MAGOH: variants seen among roughly 807,000 people sequenced by gnomAD.
MAGOH encodes protein mago nashi homolog.
MAGOH carries 3 observed loss-of-function variants against 20.9 expected under a neutral mutation model. The ratio of observed to expected loss-of-function variants is 0.14; its 90% CI spans 0.07 to 0.37. The LOEUF (loss-of-function observed/expected upper bound fraction) is 0.37. Ranked by LOEUF, MAGOH falls within the 10% of genes least tolerant of loss-of-function variation. MAGOH has a pLI of 1.00. For synonymous variants in MAGOH, 51 were observed against 61.0 expected (o/e 0.84, Z 0.76); for missense variants, 66 against 178.1 (o/e 0.37, Z 3.58).
At chr1:53,238,310 C>G in intron 1 of MAGOH, 51 bp downstream of exon 1, 1 of 1,574,348 alleles carries the variant, frequency 6.4e-7, no homozygotes, top group South Asian at 1.1e-5. Context: ...TCCCCACTCG[C>G]CGGCCCCCAG....
At chr1:53,232,457 C>A (rs1367395599) in intron 3 of MAGOH, among the ~76,000 whole-genome samples, 1 of 151,726 alleles carries the variant, frequency 6.6e-6, no homozygotes, top group Non-Finnish European at 1.5e-5. Context: ...GAAAAAAAAA[C>A]ACAAAAAGAC....
chr1:53,232,925 A>G (rs749874995), intron 3 of MAGOH, among the ~76,000 whole-genome samples: 7 of 152,316 alleles, frequency 4.6e-5, no homozygotes, highest in Middle Eastern at 3.4e-3. Flanking sequence ...ACATGGTGAA[A>G]CGCCATCTCT....
At position 53,229,402 on chromosome 1, in the gene MAGOH, G is replaced by A. The variant is rs934934552; in HGVS notation, c.259-448C>T. Among the ~76,000 whole-genome samples the A allele has an allele frequency of 3.3e-5, 5 of 151,910 alleles. No individual in the cohort carries two copies. The East Asian group carries it at 7.7e-4, about 23-fold the overall frequency. On this transcript the variant is annotated intron_variant, in intron 3 of 4. Transcript: ENST00000371470. ...TTTTTAGTAGAGACGGGGTTTCACC[G>A]TGTTAGCCAGGATGGATTTTTTTGT...
rs534661519 is a variant in MAGOH, at chr1:53,233,493, G to C, written c.258+49C>G. The C allele has an allele frequency of 7.8e-6, 10 of 1,277,106 alleles. No homozygotes were observed. The African/African-American group carries it at 1.2e-4, about 15-fold the overall frequency. 79.1% of individuals were successfully genotyped at this position (1,277,106 alleles called of 1,614,324 possible). A position where few individuals can be genotyped will look rare whatever the true frequency, so the allele number is the denominator to read the frequency against. On this transcript the variant is annotated intron_variant, in intron 3 of 4. Transcript: ENST00000371470. The stretch of plus-strand genomic sequence containing the variant: ...TTTAAGTGGAGGAGGGAGTGTGGGG[G>C]GTCTTATTTGTAAGATTTCTGCACT...
chr1:53,238,331 C>T (rs1645627732), intron 1 of MAGOH, 30 bp downstream of exon 1: 2 of 1,612,316 alleles, frequency 1.2e-6, no homozygotes, highest in African/African-American at 2.7e-5. Context: ...GCCTGGTCCC[C>T]GCTCCCGGCG....
At chr1:53,231,392 A>G (rs1572396399) in intron 3 of MAGOH, among the ~76,000 whole-genome samples, 1 of 152,224 alleles carries the variant, frequency 6.6e-6, no homozygotes, top group East Asian at 1.9e-4. Flanking sequence ...TAAGTTGTAA[A>G]GAAGTCAAAT....
intron 1 of MAGOH, 49 bp downstream of exon 1, chr1:53,238,312 G>A (rs373777384): frequency 4.4e-6 from 7 of 1,578,234 alleles, no homozygotes; most frequent in Non-Finnish European, 6.1e-6. Context: ...CCCACTCGCC[G>A]GCCCCCAGGC....
At chr1:53,230,537 C>T (rs1418202313) in intron 3 of MAGOH, among the ~76,000 whole-genome samples, 2 of 151,994 alleles carry the variant, frequency 1.3e-5, no homozygotes, top group African/African-American at 4.8e-5. Context: ...GCACCTTTAG[C>T]TTCTCGAATA....
rs1209888559 is a variant in MAGOH, at chr1:53,235,574, T to C, written c.147+3A>G. On this transcript the variant is annotated splice_donor_region_variant and intron_variant, in intron 2 of 4. Coordinates refer to ENST00000371470, the MANE Select transcript of MAGOH (RefSeq NM_002370.4). ...GGACTCTCAGAAGGCAGAAGGCTCA[T>C]ACCTCTTTTCTGATCATGACATCAT... The C allele has an allele frequency of 3.7e-6, 6 of 1,613,532 alleles. No individual in the cohort carries two copies. Among genetic ancestry groups the C allele is most frequent in the Non-Finnish European group, 5.1e-6 (6 of 1,179,584 alleles).
intron 3 of MAGOH, among the ~76,000 whole-genome samples, chr1:53,229,192 T>C (rs1484748347): frequency 2.6e-5 from 4 of 151,588 alleles, no homozygotes; most frequent in African/African-American, 4.8e-5. Flanking sequence ...GAAAAATCTA[T>C]GTAGGTTTTT....
chr1:53,237,573 C>A (rs1645618485), intron 1 of MAGOH, among the ~76,000 whole-genome samples: 1 of 148,448 alleles, frequency 6.7e-6, no homozygotes, highest in African/African-American at 2.5e-5. Context: ...ACTCGGGAGG[C>A]TGAGGCAGGA....
intron 3 of MAGOH, among the ~76,000 whole-genome samples, chr1:53,232,177 A>G (rs1382423231): frequency 6.6e-6 from 1 of 152,212 alleles, no homozygotes; most frequent in Non-Finnish European, 1.5e-5. Flanking sequence ...AACATAAATT[A>G]AAGTTAACTT....
rs991426805 is a variant in MAGOH at position 53,226,988 on chromosome 1, G to C, written c.*57C>G. On this transcript the variant is annotated 3_prime_UTR_variant, in exon 5 of 5. Transcript: ENST00000371470. ...ATAGTTCATAAAAAAATACTGCCCTGATATACACAAAATTTTCTACTCCCA... is the reference window on the plus strand; with the variant it reads ...ATAGTTCATAAAAAAATACTGCCCTCATATACACAAAATTTTCTACTCCCA... 14 of 875,426 alleles carry C rather than the reference G, an allele frequency of 1.6e-5. No homozygotes were observed. The highest frequency in any genetic ancestry group is 3.5e-5 in the African/African-American group (2 of 57,488). 54.2% of individuals were successfully genotyped at this position (875,426 alleles called of 1,614,324 possible).
chr1:53,238,292 C>T (rs1645626546), intron 1 of MAGOH, 69 bp downstream of exon 1: 2 of 1,442,382 alleles, frequency 1.4e-6, no homozygotes, highest in Admixed American at 1.7e-5. Flanking sequence ...GATTTCCGAC[C>T]CTCGGCCTCC....
rs749583136 is a variant in MAGOH, at chr1:53,238,365, C to T, written c.84G>A (p.Pro28=). ...CGGGCGGCAGGCTGCTTTTACCGTC[C>T]GGTCGAAACTCAAACTCCAGGAACT... The part of the protein sequence containing the change: ...GHEFLEFEFR[P]DGKLRYANNS... The change falls in exon 1 of 5, where the codon CCG becomes CCA. Residue 28 remains proline, a synonymous_variant. Coordinates refer to ENST00000371470, the MANE Select transcript of MAGOH (RefSeq NM_002370.4). 1.9e-6 allele frequency: 3 copies of T among 1,614,118 alleles called. No homozygotes were observed. The highest frequency in any genetic ancestry group is 2.5e-6 in the Non-Finnish European group (3 of 1,179,956).
chr1:53,238,333 C>T, intron 1 of MAGOH, 28 bp downstream of exon 1: 2 of 1,612,810 alleles, frequency 1.2e-6, no homozygotes, highest in Non-Finnish European at 8.5e-7. Flanking sequence ...CTGGTCCCCG[C>T]TCCCGGCGGG....
At chr1:53,232,577 CT>C (rs1203339618) in intron 3 of MAGOH, among the ~76,000 whole-genome samples, 1 of 152,136 alleles carries the variant, frequency 6.6e-6, no homozygotes, top group African/African-American at 2.4e-5. Context: ...TAGAGACAGT[CT>C]TGTATAAAGT....
At chr1:53,235,906 G>T (rs961108761) in intron 1 of MAGOH, among the ~76,000 whole-genome samples, 29 of 152,180 alleles carry the variant, frequency 1.9e-4, no homozygotes, top group African/African-American at 6.5e-4. Context: ...TTCTGACTTT[G>T]TCAAATCACA....
At chr1:53,230,904 CTT>C (rs1405738117) in intron 3 of MAGOH, among the ~76,000 whole-genome samples, 1 of 152,168 alleles carries the variant, frequency 6.6e-6, no homozygotes, top group African/African-American at 2.4e-5. Context: ...CTGAAATAAA[CTT>C]AAGTTTTAAA....
Sources: allele counts gnomAD v4.1 joint callset (sites outside exome capture counted in the v4.1 genomes callset), GRCh38; gene constraint gnomAD v4.1.1; transcripts MANE v1.5; gene names NCBI Gene and HGNC (gene_info 2026-07-23, HGNC 2026-07-21).